Variants in ADARB2 observed in about 807,000 individuals in gnomAD.
ADARB2 encodes the protein adenosine deaminase RNA specific B2 (inactive), also known as inactive double-stranded RNA-specific editase B2.
Under a neutral mutation model 62.2 loss-of-function variants are expected in ADARB2, and 25 were observed. That is an observed-to-expected ratio of 0.40 (90% CI 0.29 to 0.56). ADARB2 has a LOEUF of 0.56. ADARB2 is among the 20% of genes least tolerant of loss of function. ADARB2 has a pLI of 0.43. For synonymous variants in ADARB2, 572 were observed against 500.8 expected (o/e 1.14, Z -1.90); for missense variants, 1,071 against 1,077.4 (o/e 0.99, Z 0.08).
intron 3 of ADARB2, among the ~76,000 whole-genome samples, chr10:1,322,801 GA>G (rs1327547131): frequency 6.6e-6 from 1 of 152,074 alleles, no homozygotes. Flanking sequence ...GTTACTTAAG[GA>G]AAAAACATTT....
At chr10:1,635,884 C>T (rs1171580228) in intron 1 of ADARB2, among the ~76,000 whole-genome samples, 1 of 152,180 alleles carries the variant, frequency 6.6e-6, no homozygotes, top group Admixed American at 6.5e-5. Flanking sequence ...ACCCAGAGGC[C>T]TCTTATCTAG....
intron 4 of ADARB2, among the ~76,000 whole-genome samples, chr10:1,268,685 A>G (rs1005128832): frequency 1.3e-5 from 2 of 152,226 alleles, no homozygotes; most frequent in African/African-American, 4.8e-5. Flanking sequence ...GTAATTTTGC[A>G]CATTTCTAAT....
At chr10:1,497,982 G>A (rs61831915) in intron 1 of ADARB2, among the ~76,000 whole-genome samples, 23,939 of 152,070 alleles carry the variant, frequency 0.16, 2,258 homozygotes, top group Middle Eastern at 0.23. Flanking sequence ...GGGTGGCAAA[G>A]ATAAAAAAAT....
chr10:1,526,779 C>T (rs536138130), intron 1 of ADARB2: 25 of 496,498 alleles, frequency 5.0e-5, no homozygotes, highest in South Asian at 3.7e-4. Context: ...TGACATGAAG[C>T]AGCTGTTCCC....
At chr10:1,436,750 TC>T (rs1228202299) in intron 1 of ADARB2, among the ~76,000 whole-genome samples, 15 of 152,222 alleles carry the variant, frequency 9.9e-5, no homozygotes, top group African/African-American at 3.6e-4. Flanking sequence ...AATAAAAAAG[TC>T]TTATTTTCTG....
intron 2 of ADARB2, among the ~76,000 whole-genome samples, chr10:1,364,126 A>T (rs1302947242): frequency 1.3e-5 from 2 of 152,046 alleles, no homozygotes; most frequent in Non-Finnish European, 2.9e-5. Flanking sequence ...TCCCTTGCTG[A>T]GGGCCTGTGG....
chr10:1,287,335 G>GTAT (rs1831423205), intron 3 of ADARB2, among the ~76,000 whole-genome samples: 7 of 152,192 alleles, frequency 4.6e-5, no homozygotes. Flanking sequence ...CACATTGTGG[G>GTAT]ATGATCATAT....
chr10:1,389,084 A>G (rs985263069), intron 1 of ADARB2, among the ~76,000 whole-genome samples: 1 of 152,230 alleles, frequency 6.6e-6, no homozygotes, highest in South Asian at 2.1e-4. Context: ...AAACTAGACA[A>G]CATATTGAAA....
chr10:1,517,589 A>G (rs1832021444), intron 1 of ADARB2, among the ~76,000 whole-genome samples: 2 of 152,286 alleles, frequency 1.3e-5, no homozygotes, highest in South Asian at 4.2e-4. Context: ...GCCCCCACCA[A>G]TGCCCACCAA....
chr10:1,652,181 G>T (rs1258684820), intron 1 of ADARB2, among the ~76,000 whole-genome samples: 1 of 152,170 alleles, frequency 6.6e-6, no homozygotes, highest in Non-Finnish European at 1.5e-5. Flanking sequence ...GCTTCTATTG[G>T]GAGGGGCCAC....
chr10:1,550,571 T>C (rs1232176938), intron 1 of ADARB2, among the ~76,000 whole-genome samples: 1 of 152,206 alleles, frequency 6.6e-6, no homozygotes, highest in Non-Finnish European at 1.5e-5. Flanking sequence ...ACTGGAGATA[T>C]AAATGGCATG....
At chr10:1,205,864 C>T (rs944112907) in intron 7 of ADARB2, among the ~76,000 whole-genome samples, 1 of 152,166 alleles carries the variant, frequency 6.6e-6, no homozygotes, top group African/African-American at 2.4e-5. Context: ...GGGCATGGGG[C>T]AGCCCGCTGC....
intron 1 of ADARB2, among the ~76,000 whole-genome samples, chr10:1,402,920 T>G (rs955221151): frequency 6.6e-6 from 1 of 152,194 alleles, no homozygotes; most frequent in East Asian, 1.9e-4. Flanking sequence ...CAAGTGGAAC[T>G]GGGCCGGCTC....
intron 6 of ADARB2, among the ~76,000 whole-genome samples, chr10:1,218,947 G>A (rs1251004864): frequency 6.6e-6 from 1 of 151,708 alleles, no homozygotes; most frequent in East Asian, 1.9e-4. Flanking sequence ...CTACTCGGGA[G>A]GCTGAGGCAG....
chr10:1,216,476 C>T (rs1009931156), intron 7 of ADARB2: 1 of 163,268 alleles, frequency 6.1e-6, no homozygotes, highest in Non-Finnish European at 1.3e-5. Context: ...AAACTCCATC[C>T]AAGAAGACAA....
At chr10:1,463,117 C>T (rs1017210683) in intron 1 of ADARB2, among the ~76,000 whole-genome samples, 7 of 152,038 alleles carry the variant, frequency 4.6e-5, no homozygotes, top group African/African-American at 1.7e-4. Context: ...GGTTTGTGGG[C>T]CATTGAGAAG....
intron 1 of ADARB2, among the ~76,000 whole-genome samples, chr10:1,542,249 C>T (rs1460079374): frequency 2.7e-4 from 2 of 7,286 alleles, no homozygotes; most frequent in Admixed American, 3.6e-3. Context: ...CACTCAGACG[C>T]AGTTCAGACC....
intron 1 of ADARB2, among the ~76,000 whole-genome samples, chr10:1,496,905 T>C (rs143519539): frequency 1.8e-3 from 278 of 152,290 alleles, no homozygotes; most frequent in African/African-American, 5.2e-3. Flanking sequence ...TTTGGCTTCT[T>C]AGGCTGAGAC....
chr10:1,256,850 C>T (rs1002168552), intron 4 of ADARB2, among the ~76,000 whole-genome samples: 1 of 152,098 alleles, frequency 6.6e-6, no homozygotes, highest in Admixed American at 6.5e-5. Flanking sequence ...AGCTCTTCAC[C>T]CCATATCAAA....
Sources: gnomAD v4.1 joint callset for allele counts (sites outside exome capture counted in the v4.1 genomes callset) on GRCh38, gnomAD v4.1.1 for gene constraint, MANE v1.5 for transcripts, NCBI Gene and HGNC (gene_info 2026-07-23, HGNC 2026-07-21) for gene names.